The following P4HA3 variants were observed in gnomAD, a reference collection of about 807,000 sequenced individuals.
P4HA3 encodes prolyl 4-hydroxylase subunit alpha-3.
P4HA3 carries 60 observed loss-of-function variants against 66.7 expected under a neutral mutation model. The observed-to-expected ratio is 0.90, with a 90% CI of 0.73 to 1.12. The LOEUF (loss-of-function observed/expected upper bound fraction) is 1.12. Among genes scored for constraint, P4HA3 ranks in the 50% most tolerant of loss-of-function variants. The pLI is 0.00. For missense variants in P4HA3, 683 were observed against 685.8 expected (o/e 1.00, Z 0.05); for synonymous variants, 263 against 274.6 (o/e 0.96, Z 0.42).
chr11:74,286,055 A>G (rs963324216), intron 6 of P4HA3, 70 bp from the exon 7 acceptor site: 1 of 1,518,028 alleles, frequency 6.6e-7, no homozygotes, highest in African/African-American at 1.4e-5. Context: ...TAGGGGAACT[A>G]TGGCATAAAA....
At chr11:74,255,703 C>T (rs1321093918) in intron 15 of P4HA3, among the ~76,000 whole-genome samples, 2 of 152,132 alleles carry the variant, frequency 1.3e-5, no homozygotes, top group South Asian at 2.1e-4. Flanking sequence ...TATTCAGGGC[C>T]GTCTGTGGGC....
At position 74,311,484 on chromosome 11, in the gene P4HA3, GGCGCCAGGGCGC is replaced by G. The variant is rs754566525; in HGVS notation, c.116_127del (p.Arg39_Ala42del). 3.9e-6 allele frequency: 6 copies of G among 1,533,182 alleles called. No individual in the cohort carries two copies. The Admixed American group carries it at 1.2e-4, about 30-fold the overall frequency. The allele number at this position is 1,533,182 out of a possible 1,614,324, so 95.0% of individuals were successfully genotyped here. A position where few individuals can be genotyped will look rare whatever the true frequency, so the allele number is the denominator to read the frequency against. ...CAGCAGCCCCAGCAGCCGGCGCTCG[GGCGCCAGGGCGC>G]GCGCCACGCTGGTCAGCGCCGAGAA... is the stretch of plus-strand genomic sequence containing the variant. On this transcript the variant is annotated inframe_deletion, in exon 1 of 13. Transcript: ENST00000331597.
At position 74,281,158 on chromosome 11, in the gene P4HA3, T is replaced by C. The variant is rs1211435441; in HGVS notation, c.1111-1706A>G. On this transcript the variant is annotated intron_variant, in intron 7 of 12. Transcript: ENST00000331597. ...TTACTGGCCATCAGAGAAATGCAAA[T>C]CAAAACCACAATGAGTTACCATCTC... 6.6e-5 allele frequency among the ~76,000 whole-genome samples: 10 copies of C among 152,136 alleles called. No individual in the cohort carries two copies. In the East Asian group the frequency reaches 1.9e-3, roughly 29 times the overall value.
At chr11:74,259,437 A>C (rs554674722) in intron 15 of P4HA3, among the ~76,000 whole-genome samples, 2 of 152,310 alleles carry the variant, frequency 1.3e-5, no homozygotes, top group East Asian at 1.9e-4. Flanking sequence ...TTTTTAAAAA[A>C]ATAGTAAACT....
At chr11:74,271,247 T>C (rs1035271912) in intron 10 of P4HA3, among the ~76,000 whole-genome samples, 2 of 152,190 alleles carry the variant, frequency 1.3e-5, no homozygotes, top group African/African-American at 4.8e-5. Context: ...TGTAGCACAC[T>C]GGGAAAGCCG....
At chr11:74,281,069 G>A (rs1000476113) in intron 7 of P4HA3, among the ~76,000 whole-genome samples, 1 of 152,122 alleles carries the variant, frequency 6.6e-6, no homozygotes, top group African/African-American at 2.4e-5. Flanking sequence ...CGAAGGACAT[G>A]AACAGACACT....
intron 7 of P4HA3, among the ~76,000 whole-genome samples, chr11:74,283,157 A>G (rs1860666713): frequency 6.6e-6 from 1 of 152,200 alleles, no homozygotes; most frequent in South Asian, 2.1e-4. Context: ...CCAGACAGGC[A>G]TCAGCAGCCC....
chr11:74,270,671 A>G (rs1454203858), intron 10 of P4HA3, among the ~76,000 whole-genome samples: 1 of 152,124 alleles, frequency 6.6e-6, no homozygotes. Flanking sequence ...AACTCTTCAC[A>G]TTTTACAGAT....
intron 7 of P4HA3, among the ~76,000 whole-genome samples, chr11:74,281,449 C>T (rs1293270583): frequency 6.6e-6 from 1 of 152,134 alleles, no homozygotes; most frequent in African/African-American, 2.4e-5. Flanking sequence ...GCATTATTCA[C>T]AATAGCAAAG....
chr11:74,255,423 G>A (rs964248030), intron 15 of P4HA3, among the ~76,000 whole-genome samples: 1 of 152,134 alleles, frequency 6.6e-6, no homozygotes, highest in African/African-American at 2.4e-5. Context: ...CCACACTGTT[G>A]GAGGCTTCCT....
At chr11:74,304,546 AC>A in intron 1 of P4HA3, 134 bp from the exon 2 acceptor site, 1 of 1,074,110 alleles carries the variant, frequency 9.3e-7, no homozygotes, top group Admixed American at 2.5e-5. Flanking sequence ...TAATAGTCCA[AC>A]CAAAAAGCCA....
chr11:74,266,515 A>G (rs1460406919), downstream of P4HA3: 1 of 165,214 alleles, frequency 6.1e-6, no homozygotes, highest in East Asian at 1.8e-4. Flanking sequence ...AAAGTCTGTT[A>G]TTATCCATGG....
At chr11:74,271,070 C>A (rs1186454085) in intron 10 of P4HA3, among the ~76,000 whole-genome samples, 1 of 152,220 alleles carries the variant, frequency 6.6e-6, no homozygotes, top group Non-Finnish European at 1.5e-5. Flanking sequence ...CCAGAAGGTT[C>A]ATGCTCTGTA....
chr11:74,289,375 T>A (rs985638018), intron 4 of P4HA3, among the ~76,000 whole-genome samples: 2 of 152,082 alleles, frequency 1.3e-5, no homozygotes, highest in Non-Finnish European at 2.9e-5. Flanking sequence ...GGTAGGAAAA[T>A]AAATGAAAAT....
At chr11:74,278,835 C>G (rs929146739) in intron 8 of P4HA3, among the ~76,000 whole-genome samples, 3 of 152,124 alleles carry the variant, frequency 2.0e-5, no homozygotes, top group African/African-American at 7.2e-5. Flanking sequence ...CTGGCCTCCC[C>G]CCAAGGATGC....
At chr11:74,294,909 G>C (rs1403596498) in intron 4 of P4HA3, among the ~76,000 whole-genome samples, 3 of 152,192 alleles carry the variant, frequency 2.0e-5, no homozygotes, top group African/African-American at 4.8e-5. Flanking sequence ...CACTTGAGGA[G>C]GCAGTCTGCC....
intron 7 of P4HA3, among the ~76,000 whole-genome samples, chr11:74,280,235 C>G (rs187277439): frequency 6.6e-6 from 1 of 151,936 alleles, no homozygotes; most frequent in Non-Finnish European, 1.5e-5. Context: ...CTCACTACAG[C>G]CTCCAACTCC....
Position 74,304,326 on chromosome 11 carries a change from A to T in P4HA3, c.287T>A (p.Leu96Gln). The change falls in exon 2 of 13, where the codon CTG becomes CAG. Residue 96 changes from leucine (L) to glutamine (Q), a missense_variant. By Grantham distance (113) the Leu-to-Gln change is moderately radical. Transcript: ENST00000331597. Reference sequence around the variant, plus strand: ...TACCACATTCCTCCAGTCAGACTGCAGGCGTTTGATGAGAGTAAATGCAAG... The same window carrying T: ...TACCACATTCCTCCAGTCAGACTGCTGGCGTTTGATGAGAGTAAATGCAAG... ...PLLAFTLIKR[L>Q]QSDWRNVVHS... The T allele has an allele frequency of 6.2e-7, 1 of 1,614,110 alleles. No individual in the cohort carries two copies. Among genetic ancestry groups the T allele is most frequent in the Non-Finnish European group, 8.5e-7 (1 of 1,180,016 alleles).
chr11:74,288,770 G>A (rs1008260314), intron 5 of P4HA3, among the ~76,000 whole-genome samples: 1 of 151,910 alleles, frequency 6.6e-6, no homozygotes, highest in Non-Finnish European at 1.5e-5. Context: ...CCAACGTGGT[G>A]AAACCCAGTC....
Sources: allele counts gnomAD v4.1 joint callset (sites outside exome capture counted in the v4.1 genomes callset), GRCh38; gene constraint gnomAD v4.1.1; transcripts MANE v1.5; gene names NCBI Gene and HGNC (gene_info 2026-07-23, HGNC 2026-07-21).